Variants in SIN3B observed in about 807,000 individuals in gnomAD.
SIN3B encodes the protein SIN3 transcription regulator family member B.
A neutral mutation model predicts 120.2 loss-of-function variants in SIN3B; 19 were observed. That is an observed-to-expected ratio of 0.16 (90% CI 0.11 to 0.23). The LOEUF (loss-of-function observed/expected upper bound fraction) is 0.23, where lower values mean the gene tolerates loss of function less well. SIN3B is among the 10% of genes least tolerant of loss of function. The probability of loss-of-function intolerance (pLI) is 1.00; values close to 1 mark genes in which losing one functional copy is unlikely to be tolerated. For missense variants in SIN3B, 1,073 were observed against 1,573.0 expected (o/e 0.68, Z 5.38); for synonymous variants, 654 against 653.2 (o/e 1.00, Z -0.02).
chr19:16,848,477 A>C (rs1447484725), intron 5 of SIN3B, among the ~76,000 whole-genome samples: 1 of 129,356 alleles, frequency 7.7e-6, no homozygotes, highest in Non-Finnish European at 1.6e-5. Flanking sequence ...TCAGTGTGTG[A>C]AGTTTTATTG....
At chr19:16,870,865 ATTT>A (rs1352354383) in intron 13 of SIN3B, among the ~76,000 whole-genome samples, 1 of 151,622 alleles carries the variant, frequency 6.6e-6, no homozygotes, top group Non-Finnish European at 1.5e-5. Context: ...AATTTTTTGT[ATTT>A]TTAATAGAGA....
intron 10 of SIN3B, among the ~76,000 whole-genome samples, chr19:16,864,647 T>A (rs765195640): frequency 2.1e-4 from 32 of 151,936 alleles, no homozygotes; most frequent in Non-Finnish European, 3.7e-4. Context: ...TTTTTTCCTT[T>A]TTTTAGAGAC....
At chr19:16,848,839 T>C (rs985661070) in intron 5 of SIN3B, among the ~76,000 whole-genome samples, 7 of 152,180 alleles carry the variant, frequency 4.6e-5, no homozygotes, top group African/African-American at 1.7e-4. Context: ...GGTCTCACAA[T>C]GTTGTCCAGG....
intron 3 of SIN3B, among the ~76,000 whole-genome samples, chr19:16,835,456 CCT>C (rs1971336097): frequency 1.3e-5 from 2 of 149,526 alleles, no homozygotes; most frequent in Admixed American, 1.3e-4. Context: ...TTCGAAATCC[CCT>C]GACCTCATGA....
intron 2 of SIN3B, 94 bp from the exon 3 acceptor site, chr19:16,831,400 G>A: frequency 7.6e-7 from 1 of 1,313,272 alleles, no homozygotes; most frequent in Non-Finnish European, 1.1e-6. Flanking sequence ...TGTTGAGAAG[G>A]TTTTTATGTG....
rs370370253 is a variant in SIN3B, at chr19:16,853,026, G to A, written c.850-43G>A. 69 of 1,502,964 alleles carry A rather than the reference G, an allele frequency of 4.6e-5. 1 individual carries two copies. The East Asian group carries it at 7.5e-4, about 16-fold the overall frequency. 93.1% of individuals were successfully genotyped at this position (1,502,964 alleles called of 1,614,324 possible). On this transcript the variant is annotated intron_variant, in intron 6 of 18. Coordinates refer to ENST00000248054, the MANE Select transcript of SIN3B (RefSeq NM_001297595.2). Reference sequence around the variant, plus strand: ...GTGACAGCGATGGACAGAGGCCACCGGTGGGAGGCACAGTGTTAACTGCAT... The same window carrying A: ...GTGACAGCGATGGACAGAGGCCACCAGTGGGAGGCACAGTGTTAACTGCAT...
At chr19:16,846,842 C>T in intron 4 of SIN3B, 128 bp from the exon 5 acceptor site, 2 of 993,716 alleles carry the variant, frequency 2.0e-6, no homozygotes, top group Non-Finnish European at 3.0e-6. Flanking sequence ...GCAGACAGGA[C>T]CCTGCGGGCA....
rs1194939575 is a variant in SIN3B at position 16,880,227 on chromosome 19, G to T, written c.*1500G>T. ...ATTCCCATCCCCGCATGCTTCTAGG[G>T]AGCGCCTCTTTTCCGTTCTTGAGGA... On this transcript the variant is annotated 3_prime_UTR_variant, in exon 19 of 19. Coordinates refer to ENST00000248054, the MANE Select transcript of SIN3B (RefSeq NM_001297595.2). 2 of 152,260 alleles carry T rather than the reference G, an allele frequency of 1.3e-5. No homozygotes were observed. Among genetic ancestry groups the T allele is most frequent in the African/African-American group, 2.4e-5 (1 of 41,474 alleles). 9.4% of individuals were successfully genotyped at this position (152,260 alleles called of 1,614,324 possible).
At chr19:16,846,621 G>A (rs909424666) in intron 4 of SIN3B, 12 of 191,442 alleles carry the variant, frequency 6.3e-5, no homozygotes, top group Non-Finnish European at 9.5e-5. Context: ...ATGGCCCAGC[G>A]CTCCCCAGTT....
At chr19:16,854,378 T>C in intron 8 of SIN3B, 117 bp downstream of exon 8, 1 of 661,378 alleles carries the variant, frequency 1.5e-6, no homozygotes, top group South Asian at 1.9e-5. Flanking sequence ...ATCCTGTTTA[T>C]TAATTGACGT....
intron 12 of SIN3B, among the ~76,000 whole-genome samples, chr19:16,867,692 T>C (rs977918677): frequency 6.6e-6 from 1 of 152,178 alleles, no homozygotes; most frequent in Non-Finnish European, 1.5e-5. Context: ...GGTCGCTCCT[T>C]CTTTTACAAC....
intron 14 of SIN3B, among the ~76,000 whole-genome samples, chr19:16,872,266 C>T (rs758935301): frequency 5.3e-5 from 8 of 151,860 alleles, no homozygotes; most frequent in Non-Finnish European, 4.4e-5. Flanking sequence ...TCAGACAGGA[C>T]GTTTCCTTCC....
Position 16,862,394 on chromosome 19 carries a change from G to A in SIN3B, c.1101G>A (p.Gly367=), listed in dbSNP as rs2144609226. The A allele has an allele frequency of 6.2e-7, 1 of 1,614,178 alleles. No individual in the cohort carries two copies. Among genetic ancestry groups the A allele is most frequent in the Admixed American group, 1.7e-5 (1 of 60,018 alleles). Reference sequence around the variant, plus strand: ...TTGCACAGTTCAAGTCCTTCCTGGGGGTAAAAGAGCTGTCCTTCGCGCCAC... The same window carrying A: ...TTGCACAGTTCAAGTCCTTCCTGGGAGTAAAAGAGCTGTCCTTCGCGCCAC... ...ELFAQFKSFL[G]VKELSFAPPM... Residue 367 remains glycine, a synonymous_variant, in exon 9 of 19, where the codon GGG becomes GGA. Transcript: ENST00000248054. The surrounding 1 kb of genome is among the most constrained non-coding windows in gnomAD (Gnocchi z 4.7).
chr19:16,853,626 C>A (rs1388398307), intron 7 of SIN3B, among the ~76,000 whole-genome samples: 1 of 150,550 alleles, frequency 6.6e-6, no homozygotes, highest in African/African-American at 2.5e-5. Flanking sequence ...TGAATTGCTG[C>A]ACAGATGGCA....
chr19:16,849,816 C>T (rs968362116), intron 5 of SIN3B, among the ~76,000 whole-genome samples: 2 of 152,072 alleles, frequency 1.3e-5, no homozygotes, highest in Admixed American at 6.6e-5. Context: ...AATAGCCAAG[C>T]GTGGTGGCTC....
At position 16,841,663 on chromosome 19, in the gene SIN3B, G is replaced by A. The variant is rs1280727343; in HGVS notation, c.382-105G>A. The A allele has an allele frequency of 9.5e-5, 103 of 1,083,862 alleles. 1 individual carries two copies. Among genetic ancestry groups the A allele is most frequent in the South Asian group, 8.5e-4 (62 of 73,348 alleles). The allele number at this position is 1,083,862 out of a possible 1,614,324, so 67.1% of individuals were successfully genotyped here. A position where few individuals can be genotyped will look rare whatever the true frequency, so the allele number is the denominator to read the frequency against. ...CCTGTCTCTAATACAGCTTGGCTCC[G>A]TGCTGAGTTTTTTCTGTTCCTGTGC... On this transcript the variant is annotated intron_variant, in intron 3 of 18. Transcript: ENST00000248054.
rs550835219 is a variant in SIN3B, at chr19:16,878,632, G to A, written c.3298G>A (p.Val1100Ile). ...GATGGGTGAGGAGGACGAGGACATGGTACCCTGCAAGACGCTGTGTGAGAC... is the reference window on the plus strand; with the variant it reads ...GATGGGTGAGGAGGACGAGGACATGATACCCTGCAAGACGCTGTGTGAGAC... ...WLMGEEDEDMVPCKTLCETVH... is the reference protein window; with the variant it reads ...WLMGEEDEDMIPCKTLCETVH... Residue 1100 changes from valine (V) to isoleucine (I), a missense_variant, in exon 19 of 19, where the codon GTA becomes ATA. Transcript: ENST00000248054. 57 of 1,613,506 alleles carry A rather than the reference G, an allele frequency of 3.5e-5. 1 individual carries two copies. In the South Asian group the frequency reaches 5.8e-4, roughly 16 times the overall value.
chr19:16,869,564 C>T lies in SIN3B; in HGVS notation c.1911C>T (p.Ile637=), dbSNP rs754149523. 1 of 1,613,902 alleles carries T rather than the reference C, an allele frequency of 6.2e-7. No homozygotes were observed. The highest frequency in any genetic ancestry group is 1.1e-5 in the South Asian group (1 of 91,090). ...RQILEDAAAL[I]SYYVKRQPAI... Reference sequence around the variant, plus strand: ...TCCTGGAGGACGCAGCAGCGCTCATCAGCTACTACGTGAAGCGGCAGCCGG... The same window carrying T: ...TCCTGGAGGACGCAGCAGCGCTCATTAGCTACTACGTGAAGCGGCAGCCGG... Residue 637 remains isoleucine, a synonymous_variant, in exon 13 of 19, where the codon ATC becomes ATT. Coordinates refer to ENST00000248054, the MANE Select transcript of SIN3B (RefSeq NM_001297595.2).
At chr19:16,837,245 C>A (rs1209984453) in intron 3 of SIN3B, among the ~76,000 whole-genome samples, 1 of 151,896 alleles carries the variant, frequency 6.6e-6, no homozygotes, top group Non-Finnish European at 1.5e-5. Context: ...AGCGTGAGAA[C>A]CACTGGATGG....
Sources: gnomAD v4.1 joint callset for allele counts (sites outside exome capture counted in the v4.1 genomes callset) on GRCh38, gnomAD v4.1.1 for gene constraint, Gnocchi (gnomAD v3.1) non-coding constraint, MANE v1.5 for transcripts, NCBI Gene and HGNC (gene_info 2026-07-23, HGNC 2026-07-21) for gene names.